Variants in FMNL2 observed in about 807,000 individuals in gnomAD.
FMNL2 encodes formin-like protein 2.
FMNL2 carries 51 observed loss-of-function variants against 130.2 expected under a neutral mutation model. The ratio of observed to expected loss-of-function variants is 0.39; its 90% CI spans 0.31 to 0.49. The LOEUF (loss-of-function observed/expected upper bound fraction) is 0.49, where lower values mean the gene tolerates loss of function less well. Ranked by LOEUF, FMNL2 falls within the 20% of genes least tolerant of loss-of-function variation. The pLI is 0.85. For missense variants in FMNL2, 977 were observed against 1,316.2 expected (o/e 0.74, Z 3.99); for synonymous variants, 465 against 467.1 (o/e 1.00, Z 0.06).
Position 152,625,285 on chromosome 2 carries a change from G to A in FMNL2, c.1838-153G>A, listed in dbSNP as rs768422942. The stretch of plus-strand genomic sequence containing the variant: ...CAAATGGCTCTGGCCAAGGCCATGT[G>A]TGTTGTTTTCCAGCTTTAAAAACCT... On this transcript the variant is annotated intron_variant, in intron 15 of 25. Transcript: ENST00000288670. The A allele has an allele frequency of 7.8e-5, 62 of 796,250 alleles. No individual in the cohort carries two copies. In the African/African-American group the frequency reaches 9.4e-4, roughly 12 times the overall value. 49.3% of individuals were successfully genotyped at this position (796,250 alleles called of 1,614,324 possible).
chr2:152,426,539 G>A (rs975311597), intron 1 of FMNL2, among the ~76,000 whole-genome samples: 9 of 152,330 alleles, frequency 5.9e-5, no homozygotes, highest in Admixed American at 3.3e-4. Flanking sequence ...AGATGAATAC[G>A]TACTCAGACT....
At chr2:152,507,855 C>T (rs1283939101) in intron 1 of FMNL2, among the ~76,000 whole-genome samples, 1 of 151,496 alleles carries the variant, frequency 6.6e-6, no homozygotes, top group Non-Finnish European at 1.5e-5. Context: ...GAGTGAACAG[C>T]TAGTAATTGG....
chr2:152,628,299 A>C lies in FMNL2; in HGVS notation c.2166A>C (p.Val722=), dbSNP rs1344767743. 1 of 1,613,152 alleles carries C rather than the reference A, an allele frequency of 6.2e-7. No individual in the cohort carries two copies. Among genetic ancestry groups the C allele is most frequent in the Admixed American group, 1.7e-5 (1 of 60,026 alleles). ...TADEICKAIH[V]FDLKTLPVDF... is the part of the protein sequence containing the mutation. ...CTAATCTCTCCACATCTGTCTTTAGATTTGACTTGAAGACACTGCCTGTGG... is the reference window on the plus strand; with the variant it reads ...CTAATCTCTCCACATCTGTCTTTAGCTTTGACTTGAAGACACTGCCTGTGG... Residue 722 remains valine, a splice_region_variant and synonymous_variant, in exon 18 of 26, where the codon GTA becomes GTC. Coordinates refer to ENST00000288670, the MANE Select transcript of FMNL2 (RefSeq NM_052905.4).
chr2:152,446,086 A>C (rs573819147), intron 1 of FMNL2, among the ~76,000 whole-genome samples: 1 of 152,132 alleles, frequency 6.6e-6, no homozygotes, highest in African/African-American at 2.4e-5. Context: ...AAATTAGACC[A>C]TGTGTGTGGC....
chr2:152,393,855 A>G (rs1685248300), intron 1 of FMNL2, among the ~76,000 whole-genome samples: 1 of 152,364 alleles, frequency 6.6e-6, no homozygotes, highest in East Asian at 1.9e-4. Context: ...ACAATAGGCA[A>G]CTAATGAGGA....
intron 9 of FMNL2, among the ~76,000 whole-genome samples, chr2:152,592,628 T>G (rs1370830062): frequency 6.6e-6 from 1 of 152,104 alleles, no homozygotes; most frequent in Non-Finnish European, 1.5e-5. Context: ...TAATAAAAAA[T>G]TTGTTTGTTT....
intron 1 of FMNL2, among the ~76,000 whole-genome samples, chr2:152,348,201 CACTTG>C (rs1207904153): frequency 6.6e-6 from 1 of 152,190 alleles, no homozygotes; most frequent in Non-Finnish European, 1.5e-5. Context: ...ACTCATGAGG[CACTTG>C]ATTAAATATC....
At chr2:152,647,155 CT>C (rs1580182102) in intron 25 of FMNL2, among the ~76,000 whole-genome samples, 1 of 152,044 alleles carries the variant, frequency 6.6e-6, no homozygotes, top group East Asian at 1.9e-4. Flanking sequence ...CAAGTCTGGC[CT>C]GGACAACATA....
At chr2:152,377,031 G>T (rs577221168) in intron 1 of FMNL2, among the ~76,000 whole-genome samples, 21 of 152,192 alleles carry the variant, frequency 1.4e-4, no homozygotes, top group Non-Finnish European at 2.4e-4. Context: ...CATAGATCTG[G>T]GATGGAAGCC....
At chr2:152,488,360 G>C (rs1197143734) in intron 1 of FMNL2, among the ~76,000 whole-genome samples, 2 of 152,202 alleles carry the variant, frequency 1.3e-5, no homozygotes, top group African/African-American at 4.8e-5. Flanking sequence ...CCGCAAATAA[G>C]CTTTTTAGCT....
intron 2 of FMNL2, chr2:152,539,265 C>G (rs1298510303): frequency 6.6e-6 from 1 of 152,520 alleles, no homozygotes; most frequent in African/African-American, 2.4e-5. Flanking sequence ...ATTGAGATTC[C>G]CAGCTTTTCT....
intron 7 of FMNL2, among the ~76,000 whole-genome samples, chr2:152,575,869 C>T (rs781637214): frequency 1.3e-5 from 2 of 152,068 alleles, no homozygotes; most frequent in South Asian, 2.1e-4. Flanking sequence ...CCTAGAAGAT[C>T]GTTGAAAATG....
intron 1 of FMNL2, among the ~76,000 whole-genome samples, chr2:152,478,213 T>A (rs1327325965): frequency 6.8e-6 from 1 of 146,994 alleles, no homozygotes; most frequent in Admixed American, 6.8e-5. Flanking sequence ...ATACTTAATA[T>A]ACGTATACAT....
At chr2:152,630,009 G>A in intron 20 of FMNL2, 104 bp downstream of exon 20, 2 of 1,057,774 alleles carry the variant, frequency 1.9e-6, no homozygotes, top group Non-Finnish European at 2.8e-6. Flanking sequence ...TTCTGCTATG[G>A]GAGGATCAAC....
In FMNL2 at chr2:152,637,618, A is replaced by G; in HGVS notation, c.2890A>G (p.Thr964Ala). The G allele has an allele frequency of 1.2e-6, 2 of 1,613,934 alleles. No individual in the cohort carries two copies. The highest frequency in any genetic ancestry group is 1.7e-6 in the Non-Finnish European group (2 of 1,179,850). ...VVKYFGENPKTTPPSVFFPVF... is the reference protein window; with the variant it reads ...VVKYFGENPKATPPSVFFPVF... The stretch of plus-strand genomic sequence containing the variant: ...GAAGTATTTTGGAGAAAACCCCAAG[A>G]CAACACCACCCTCTGTCTTCTTTCC... The change falls in exon 23 of 26, where the codon ACA becomes GCA. Residue 964 changes from threonine to alanine, a missense_variant. Transcript: ENST00000288670.
rs572466553 is a variant in FMNL2, at chr2:152,607,829, CTTTGG to C, written c.951+421_951+425del. ...GACTATATTCTTAAAAATTAAAGTG[CTTTGG>C]TTTGTAGAGTTGACTGTATGTATCT... On this transcript the variant is annotated intron_variant, in intron 10 of 25. Coordinates refer to ENST00000288670, the MANE Select transcript of FMNL2 (RefSeq NM_052905.4). Among the ~76,000 whole-genome samples, 1,407 of 152,180 alleles carry C rather than the reference CTTTGG, an allele frequency of 9.2e-3. 18 individuals are homozygous for C. The highest frequency in any genetic ancestry group is 0.032 in the African/African-American group (1,343 of 41,504).
chr2:152,595,299 G>T (rs1697701741), intron 9 of FMNL2, among the ~76,000 whole-genome samples: 1 of 152,118 alleles, frequency 6.6e-6, no homozygotes, highest in Non-Finnish European at 1.5e-5. Context: ...TTGTGTATTT[G>T]TTCATGATTG....
At chr2:152,384,454 T>A (rs1041209272) in intron 1 of FMNL2, among the ~76,000 whole-genome samples, 8 of 152,152 alleles carry the variant, frequency 5.3e-5, no homozygotes. Flanking sequence ...GGCCATGGAA[T>A]GACTGTGGGT....
intron 1 of FMNL2, among the ~76,000 whole-genome samples, chr2:152,409,496 T>G (rs1158578806): frequency 1.3e-5 from 2 of 151,998 alleles, no homozygotes; most frequent in African/African-American, 4.8e-5. Flanking sequence ...CTGGGGGAAG[T>G]TAAGGAAAGG....
Sources: gnomAD v4.1 joint callset for allele counts (sites outside exome capture counted in the v4.1 genomes callset) on GRCh38, gnomAD v4.1.1 for gene constraint, MANE v1.5 for transcripts, NCBI Gene and HGNC (gene_info 2026-07-23, HGNC 2026-07-21) for gene names.